The following SLC38A6 variants were observed in gnomAD, a reference collection of about 807,000 sequenced individuals.
SLC38A6 encodes the protein N system amino acid transporter NAT-1.
A neutral mutation model predicts 65.0 loss-of-function variants in SLC38A6; 73 were observed. The ratio of observed to expected loss-of-function variants is 1.12; its 90% CI spans 0.93 to 1.37. The LOEUF (loss-of-function observed/expected upper bound fraction) is 1.37, where lower values mean the gene tolerates loss of function less well. Among genes scored for constraint, SLC38A6 ranks in the 40% most tolerant of loss-of-function variants. The probability of loss-of-function intolerance (pLI) is 0.00; values close to 1 mark genes in which losing one functional copy is unlikely to be tolerated. For synonymous variants in SLC38A6, 183 were observed against 178.8 expected, an observed-to-expected ratio of 1.02 and a Z score of -0.19; for missense variants, 561 against 531.1, an observed-to-expected ratio of 1.06 and a Z score of -0.55.
intron 3 of SLC38A6, among the ~76,000 whole-genome samples, chr14:61,007,021 T>C (rs1285855651): frequency 6.6e-6 from 1 of 152,114 alleles, no homozygotes; most frequent in African/African-American, 2.4e-5. Flanking sequence ...ATGTCCTTTG[T>C]AGGGACATGG....
chr14:61,053,320 T>C (rs190890088), downstream of SLC38A6, among the ~76,000 whole-genome samples: 34 of 152,286 alleles, frequency 2.2e-4, no homozygotes, highest in African/African-American at 8.2e-4. Context: ...TAGTGAATAG[T>C]GCTACAGTGA....
intron 15 of SLC38A6, among the ~76,000 whole-genome samples, chr14:61,066,854 C>G (rs368649594): frequency 1.4e-4 from 22 of 152,210 alleles, no homozygotes; most frequent in African/African-American, 5.3e-4. Flanking sequence ...TATATTTTAT[C>G]TAGTGTTCAT....
intron 6 of SLC38A6, among the ~76,000 whole-genome samples, chr14:61,032,023 T>C (rs1340873197): frequency 6.6e-6 from 1 of 151,860 alleles, no homozygotes; most frequent in Admixed American, 6.6e-5. Context: ...TATATACACA[T>C]GCTAATAGCA....
chr14:60,981,479 A>G (rs1223084778), intron 1 of SLC38A6, 97 bp downstream of exon 1: 6 of 1,538,760 alleles, frequency 3.9e-6, no homozygotes, highest in Non-Finnish European at 5.2e-6. Context: ...GCACCGGGAC[A>G]GGGGAGATGC....
chr14:60,982,177 G>T (rs2037098556), intron 1 of SLC38A6: 1 of 468,028 alleles, frequency 2.1e-6, no homozygotes, highest in African/African-American at 2.0e-5. Flanking sequence ...CACATGAGCT[G>T]AGGCCTTATC....
intron 3 of SLC38A6, among the ~76,000 whole-genome samples, chr14:61,008,162 T>G (rs1486827023): frequency 2.6e-5 from 4 of 152,166 alleles, no homozygotes; most frequent in Non-Finnish European, 5.9e-5. Flanking sequence ...TGTGCATTGT[T>G]TAGCAGTATG....
chr14:61,079,470 G>A (rs2043557362), intron 16 of SLC38A6, among the ~76,000 whole-genome samples: 1 of 151,948 alleles, frequency 6.6e-6, no homozygotes. Flanking sequence ...AACCATTCAT[G>A]TTGTTTTTCT....
chr14:60,993,859 TACAC>T (rs2038083527), intron 3 of SLC38A6, among the ~76,000 whole-genome samples: 1 of 152,138 alleles, frequency 6.6e-6, no homozygotes, highest in South Asian at 2.1e-4. Context: ...AACAGCCACA[TACAC>T]ACACACAAGC....
At chr14:61,033,779 C>A (rs2041160996) in intron 6 of SLC38A6, among the ~76,000 whole-genome samples, 2 of 152,038 alleles carry the variant, frequency 1.3e-5, no homozygotes, top group African/African-American at 4.8e-5. Context: ...TAAAGAAAAG[C>A]ACTGTATTTA....
At position 61,045,328 on chromosome 14, in the gene SLC38A6, C is replaced by G. The variant is rs752967634; in HGVS notation, c.745-18C>G. 3 of 1,586,886 alleles carry G rather than the reference C, an allele frequency of 1.9e-6. No individual in the cohort carries two copies. The highest frequency in any genetic ancestry group is 3.4e-5 in the Admixed American group (2 of 58,560). On this transcript the variant is annotated intron_variant, in intron 10 of 15. Coordinates refer to ENST00000267488, the MANE Select transcript of SLC38A6 (RefSeq NM_153811.3). ...AGAGTGGCATTTAATAATTTTGTCT[C>G]TTTAAAATTTTTTTCAGAGTGCTTA...
At chr14:61,043,838 C>G (rs77482220) in intron 10 of SLC38A6, among the ~76,000 whole-genome samples, 1,840 of 152,064 alleles carry the variant, frequency 0.012, 27 homozygotes, top group African/African-American at 0.036. Context: ...TTGCCCTCTG[C>G]ACTTGTAAAG....
At chr14:61,046,214 A>AT (rs759238562) in intron 12 of SLC38A6, 47 bp downstream of exon 12, 1 of 1,249,242 alleles carries the variant, frequency 8.0e-7, no homozygotes, top group Admixed American at 1.8e-5. Context: ...AGTTACATAG[A>AT]TGGCCTCACG....
At chr14:61,076,815 A>G (rs754385599) in intron 15 of SLC38A6, among the ~76,000 whole-genome samples, 10 of 152,222 alleles carry the variant, frequency 6.6e-5, no homozygotes, top group Non-Finnish European at 1.2e-4. Flanking sequence ...TTCAGAGGAA[A>G]TTCTGGACAA....
At chr14:61,032,739 A>G (rs2041087071) in intron 6 of SLC38A6, among the ~76,000 whole-genome samples, 2 of 151,890 alleles carry the variant, frequency 1.3e-5, no homozygotes, top group African/African-American at 4.8e-5. Context: ...AATAAGTAAG[A>G]AACAAAATAT....
In SLC38A6 at chr14:60,981,400, G is replaced by A. The variant is rs1207859085; in HGVS notation, c.105+18G>A. The A allele has an allele frequency of 6.4e-7, 1 of 1,569,322 alleles. No individual in the cohort carries two copies. The highest frequency in any genetic ancestry group is 2.3e-5 in the East Asian group (1 of 42,666). On this transcript the variant is annotated intron_variant, in intron 1 of 15. Transcript: ENST00000267488. ...TAAGCAACGTAAGTGGGCTGTGTTC[G>A]CTTCCCCGCGCTGACGCCCTCCGGC...
Position 61,043,139 on chromosome 14 carries a change from T to G in SLC38A6, c.625-8T>G. The G allele has an allele frequency of 6.6e-7, 1 of 1,504,102 alleles. No homozygotes were observed. The highest frequency in any genetic ancestry group is 9.1e-7 in the Non-Finnish European group (1 of 1,101,746). 93.2% of individuals were successfully genotyped at this position (1,504,102 alleles called of 1,614,324 possible). A position where few individuals can be genotyped will look rare whatever the true frequency, so the allele number is the denominator to read the frequency against. On this transcript the variant is annotated splice_polypyrimidine_tract_variant and splice_region_variant and intron_variant, in intron 8 of 15. Coordinates refer to ENST00000267488, the MANE Select transcript of SLC38A6 (RefSeq NM_153811.3). The stretch of plus-strand genomic sequence containing the variant: ...TGATCTGAGTGCTGATTCTGTTTAC[T>G]TTTTTAGGTAATAATTAAAAAATGG...
At chr14:61,017,071 C>T (rs1344033503) in intron 4 of SLC38A6, among the ~76,000 whole-genome samples, 3 of 152,012 alleles carry the variant, frequency 2.0e-5, no homozygotes, top group Admixed American at 6.6e-5. Context: ...GACAGAGTTT[C>T]GCTCTTGTTG....
chr14:61,042,729 C>G (rs1010366587), intron 8 of SLC38A6, among the ~76,000 whole-genome samples: 2 of 152,156 alleles, frequency 1.3e-5, no homozygotes, highest in African/African-American at 4.8e-5. Flanking sequence ...AAAGTCTGTA[C>G]TTATTTCTTC....
chr14:60,993,097 C>G (rs1404227206), intron 3 of SLC38A6, among the ~76,000 whole-genome samples: 1 of 152,166 alleles, frequency 6.6e-6, no homozygotes, highest in Non-Finnish European at 1.5e-5. Context: ...ATCTGCCCAC[C>G]TCGGCCTCCC....
Sources: allele counts gnomAD v4.1 joint callset (sites outside exome capture counted in the v4.1 genomes callset), GRCh38; gene constraint gnomAD v4.1.1; transcripts MANE v1.5; gene names NCBI Gene and HGNC (gene_info 2026-07-23, HGNC 2026-07-21).